Variants in MAP4 observed in about 807,000 individuals in gnomAD.
The protein encoded by MAP4 is microtubule associated protein 4.
MAP4 carries 76 observed loss-of-function variants against 170.2 expected under a neutral mutation model. That is an observed-to-expected ratio of 0.45 (90% confidence interval 0.37 to 0.54). The LOEUF (loss-of-function observed/expected upper bound fraction) is 0.54, where lower values mean the gene tolerates loss of function less well. Ranked by LOEUF, MAP4 falls within the 20% of genes least tolerant of loss-of-function variation. MAP4 has a pLI of 0.00. For synonymous variants in MAP4, 909 were observed against 994.5 expected (o/e 0.91, Z 1.62); for missense variants, 2,506 against 2,748.0 (o/e 0.91, Z 1.97).
At chr3:47,887,236 C>A (rs531773520) in intron 10 of MAP4, among the ~76,000 whole-genome samples, 1 of 152,204 alleles carries the variant, frequency 6.6e-6, no homozygotes, top group Non-Finnish European at 1.5e-5. Flanking sequence ...CGGGGCTGCG[C>A]GCAGCACTTG....
chr3:48,006,464 G>A (rs2100102356), intron 1 of MAP4, among the ~76,000 whole-genome samples: 1 of 152,090 alleles, frequency 6.6e-6, no homozygotes, highest in Non-Finnish European at 1.5e-5. Flanking sequence ...CTTACAGTGG[G>A]CCCAGTGGGT....
chr3:47,964,371 T>G (rs1438820908), intron 3 of MAP4, among the ~76,000 whole-genome samples: 1 of 152,186 alleles, frequency 6.6e-6, no homozygotes, highest in Non-Finnish European at 1.5e-5. Flanking sequence ...TATCTTTTTC[T>G]GACAAACTGG....
At chr3:47,981,784 T>G (rs2154293621) in intron 2 of MAP4, among the ~76,000 whole-genome samples, 1 of 151,848 alleles carries the variant, frequency 6.6e-6, no homozygotes, top group South Asian at 2.1e-4. Context: ...AAAAAAAGCT[T>G]TATTCCCATA....
rs756229459 is a variant in MAP4, at chr3:47,876,132, C to CTT, written c.5542-234_5542-233dup. 1.6e-4 allele frequency among the ~76,000 whole-genome samples: 22 copies of CTT among 140,562 alleles called. 1 individual carries two copies. The highest frequency in any genetic ancestry group is 6.1e-4 in the East Asian group (3 of 4,914). 92.2% of individuals were successfully genotyped at this position (140,562 alleles called of 152,430 possible). A position where few individuals can be genotyped will look rare whatever the true frequency, so the allele number is the denominator to read the frequency against. On this transcript the variant is annotated intron_variant, in intron 11 of 20. Coordinates refer to ENST00000683076, the MANE Select transcript of MAP4 (RefSeq NM_001385682.1). ...TGGGGAATAGTTTCTTTTTCTTTTT[C>CTT]TTTCTTTTTTTTTTTTTTTGAGATG...
chr3:47,871,618 A>G (rs918102326), intron 13 of MAP4, among the ~76,000 whole-genome samples: 1 of 152,168 alleles, frequency 6.6e-6, no homozygotes, highest in African/African-American at 2.4e-5. Context: ...ACCACGTGCT[A>G]GGTGCTGTGG....
chr3:48,063,983 ACT>A (rs1020134515), intron 1 of MAP4, among the ~76,000 whole-genome samples: 1 of 152,026 alleles, frequency 6.6e-6, no homozygotes, highest in Non-Finnish European at 1.5e-5. Context: ...GATCTAACCA[ACT>A]CCATCCTGCT....
intron 1 of MAP4, among the ~76,000 whole-genome samples, chr3:48,059,174 G>C (rs779311782): frequency 1.3e-5 from 2 of 152,072 alleles, no homozygotes; most frequent in Non-Finnish European, 2.9e-5. Context: ...AATAATTCAA[G>C]TACAGAATTA....
intron 2 of MAP4, among the ~76,000 whole-genome samples, chr3:47,978,488 T>C (rs2100083495): frequency 6.6e-6 from 1 of 152,090 alleles, no homozygotes; most frequent in African/African-American, 2.4e-5. Context: ...CAGCTAATTT[T>C]TGTATTTTTA....
intron 1 of MAP4, among the ~76,000 whole-genome samples, chr3:48,010,872 C>T (rs1207673038): frequency 3.9e-5 from 6 of 152,188 alleles, no homozygotes; most frequent in Non-Finnish European, 5.9e-5. Flanking sequence ...CCTCGAACAT[C>T]GGACTCCAAG....
At position 47,910,808 on chromosome 3, in the gene MAP4, T is replaced by G; in HGVS notation, c.3613A>C (p.Ile1205Leu). ...PWKDHEAAPW[I>L]SEKPKKRGNE... The stretch of plus-strand genomic sequence containing the variant: ...CCTCTCTTTTTAGGCTTTTCAGAAA[T>G]CCAGGGAGCTGCCTCATGATCCTTC... The change falls in exon 9 of 21, where the codon ATT becomes CTT. Residue 1205 changes from isoleucine to leucine, a missense_variant. This residue lies in a region of MAP4 where 2,008 missense variants were observed against 2,206.0 expected (regional missense o/e 0.91). Transcript: ENST00000683076. The G allele has an allele frequency of 1.3e-6, 2 of 1,536,122 alleles. No homozygotes were observed. Among genetic ancestry groups the G allele is most frequent in the Non-Finnish European group, 1.7e-6 (2 of 1,146,898 alleles).
chr3:47,940,769 A>G (rs1172111199), intron 3 of MAP4, among the ~76,000 whole-genome samples: 1 of 152,212 alleles, frequency 6.6e-6, no homozygotes, highest in African/African-American at 2.4e-5. Context: ...CAGATTCCCC[A>G]TTGCAAACAA....
intron 9 of MAP4, among the ~76,000 whole-genome samples, 178 bp downstream of exon 9, chr3:47,908,860 C>A (rs780858669): frequency 6.6e-6 from 1 of 152,160 alleles, no homozygotes; most frequent in African/African-American, 2.4e-5. Context: ...TCAAGCAGGA[C>A]ACAAGGAACA....
At chr3:48,061,204 C>T (rs1045966104) in intron 1 of MAP4, among the ~76,000 whole-genome samples, 4 of 147,392 alleles carry the variant, frequency 2.7e-5, no homozygotes, top group Non-Finnish European at 4.4e-5. Context: ...CTCCCCCTCT[C>T]CCTCTCCCTC....
At chr3:47,891,847 T>C (rs1285984049) in intron 10 of MAP4, 2 of 1,536,244 alleles carry the variant, frequency 1.3e-6, no homozygotes. Context: ...CCCCAATCAC[T>C]GGGCAGCCAG....
intron 19 of MAP4, among the ~76,000 whole-genome samples, chr3:47,854,501 G>A (rs1028759456): frequency 1.3e-5 from 2 of 152,196 alleles, no homozygotes; most frequent in East Asian, 3.9e-4. Context: ...ACCTGAACCC[G>A]AGCAGCAGCA....
intron 2 of MAP4, among the ~76,000 whole-genome samples, chr3:47,994,497 T>C (rs1261543607): frequency 6.6e-6 from 1 of 152,218 alleles, no homozygotes; most frequent in Non-Finnish European, 1.5e-5. Context: ...ATTGTTTCCA[T>C]CATCTGGGAA....
At chr3:48,031,880 TACACACACACATACACACACAC>T (rs2100116296) in intron 1 of MAP4, among the ~76,000 whole-genome samples, 1 of 147,504 alleles carries the variant, frequency 6.8e-6, no homozygotes, top group African/African-American at 2.7e-5. Flanking sequence ...AACACACACA[TACACACACACATACACACACAC>T]ACACACACAG....
intron 1 of MAP4, among the ~76,000 whole-genome samples, chr3:48,072,808 C>T (rs539579836): frequency 5.3e-5 from 8 of 152,130 alleles, no homozygotes; most frequent in South Asian, 4.1e-4. Flanking sequence ...CATTATGCTC[C>T]GCTAAGTCCC....
chr3:47,866,741 G>A (rs2081085634), intron 17 of MAP4, among the ~76,000 whole-genome samples: 1 of 152,134 alleles, frequency 6.6e-6, no homozygotes, highest in African/African-American at 2.4e-5. Context: ...GCAACAAAGT[G>A]AGACTTCATC....
Sources: gnomAD v4.1 joint callset for allele counts (sites outside exome capture counted in the v4.1 genomes callset) on GRCh38, gnomAD v4.1.1 for gene constraint, gnomAD v4.1.1 regional missense constraint, MANE v1.5 for transcripts, NCBI Gene and HGNC (gene_info 2026-07-23, HGNC 2026-07-21) for gene names.